The following ASTN2 variants were observed in gnomAD, a reference collection of about 807,000 sequenced individuals.
ASTN2 encodes astrotactin-2.
A neutral mutation model predicts 139.8 loss-of-function variants in ASTN2; 54 were observed. The ratio of observed to expected loss-of-function variants is 0.39; its 90% CI spans 0.31 to 0.48. The LOEUF (loss-of-function observed/expected upper bound fraction) is 0.48, where lower values mean the gene tolerates loss of function less well. Ranked by LOEUF, ASTN2 falls within the 20% of genes least tolerant of loss-of-function variation. The pLI, the probability that ASTN2 is intolerant of heterozygous loss-of-function variation, is 0.95. For missense variants in ASTN2, 1,565 were observed against 1,725.1 expected (o/e 0.91, Z 1.64); for synonymous variants, 756 against 719.5 (o/e 1.05, Z -0.81).
intron 13 of ASTN2, among the ~76,000 whole-genome samples, chr9:116,785,933 C>G (rs556051553): frequency 1.3e-5 from 2 of 152,296 alleles, no homozygotes; most frequent in Admixed American, 6.5e-5. Flanking sequence ...CCTTCTCACT[C>G]AGAGTAAAAT....
intron 13 of ASTN2, among the ~76,000 whole-genome samples, chr9:116,781,197 G>A (rs10759859): frequency 0.62 from 94,035 of 152,024 alleles, 30,624 homozygotes; most frequent in Non-Finnish European, 0.74. Context: ...AGAAAGGAGG[G>A]AGAAGTAGGT....
At chr9:116,610,166 A>G (rs985021835) in intron 19 of ASTN2, among the ~76,000 whole-genome samples, 14 of 152,212 alleles carry the variant, frequency 9.2e-5, no homozygotes, top group African/African-American at 2.9e-4. Context: ...AACAAATATC[A>G]CATTAAATAT....
At chr9:116,482,266 C>T (rs1054668915) in intron 20 of ASTN2, among the ~76,000 whole-genome samples, 10 of 152,194 alleles carry the variant, frequency 6.6e-5, no homozygotes, top group Admixed American at 6.5e-4. Context: ...GTGGAGCTTG[C>T]AGTGAGCCAA....
Position 117,203,262 on chromosome 9 carries a change from C to A in ASTN2, c.1015+11096G>T, listed in dbSNP as rs1192966551. Among the ~76,000 whole-genome samples the A allele has an allele frequency of 2.6e-5, 4 of 151,978 alleles. No homozygotes were observed. The South Asian group carries it at 6.2e-4, about 24-fold the overall frequency. On this transcript the variant is annotated intron_variant, in intron 3 of 22. Coordinates refer to ENST00000313400, the MANE Select transcript of ASTN2 (RefSeq NM_001365068.1). ...AACCTCTTCTCAAGATTCTTAGCTT[C>A]TTTGCATTGTGTTAGAACATGCTCC...
At chr9:117,140,001 G>C (rs917191999) in intron 4 of ASTN2, among the ~76,000 whole-genome samples, 1 of 152,168 alleles carries the variant, frequency 6.6e-6, no homozygotes, top group African/African-American at 2.4e-5. Context: ...CCACTTACTA[G>C]AATGTCCCCT....
At chr9:117,018,114 G>A (rs753844883) in intron 6 of ASTN2, among the ~76,000 whole-genome samples, 3 of 152,060 alleles carry the variant, frequency 2.0e-5, no homozygotes, top group South Asian at 2.1e-4. Flanking sequence ...GACATGTTGC[G>A]AGAGTGAGGA....
chr9:116,794,587 C>T (rs1830643820), intron 13 of ASTN2, among the ~76,000 whole-genome samples: 1 of 152,124 alleles, frequency 6.6e-6, no homozygotes, highest in African/African-American at 2.4e-5. Flanking sequence ...AATCCTGGCT[C>T]CATTATTTAC....
chr9:117,405,554 G>C (rs1368297491), intron 1 of ASTN2, among the ~76,000 whole-genome samples: 1 of 152,146 alleles, frequency 6.6e-6, no homozygotes, highest in East Asian at 1.9e-4. Context: ...AACTCCTCCT[G>C]TCCCCAGTTT....
chr9:117,402,195 T>C (rs1467515222), intron 1 of ASTN2, among the ~76,000 whole-genome samples: 1 of 152,206 alleles, frequency 6.6e-6, no homozygotes, highest in South Asian at 2.1e-4. Context: ...GCCTCCTCTG[T>C]AGCTGGGATT....
Position 116,424,871 on chromosome 9 carries a change from G to A in ASTN2, c.*980C>T, listed in dbSNP as rs1847263514. On this transcript the variant is annotated 3_prime_UTR_variant, in exon 23 of 23. Coordinates refer to ENST00000313400, the MANE Select transcript of ASTN2 (RefSeq NM_001365068.1). ...CCCAAAGTGCTAGGATTACAGGCATGAGCCACTGTGCCTGGCAAGCAAATC... is the reference window on the plus strand; with the variant it reads ...CCCAAAGTGCTAGGATTACAGGCATAAGCCACTGTGCCTGGCAAGCAAATC... Among the ~76,000 whole-genome samples, 1 of 152,138 alleles carries A rather than the reference G, an allele frequency of 6.6e-6. No homozygotes were observed. Among genetic ancestry groups the A allele is most frequent in the Admixed American group, 6.5e-5 (1 of 15,270 alleles).
chr9:116,740,657 C>T (rs964547189), intron 13 of ASTN2, among the ~76,000 whole-genome samples: 11 of 151,732 alleles, frequency 7.2e-5, no homozygotes, highest in Non-Finnish European at 5.9e-5. Context: ...GGACTACAGG[C>T]GCCCACCACC....
intron 16 of ASTN2, among the ~76,000 whole-genome samples, chr9:116,653,959 A>G (rs570912130): frequency 6.6e-4 from 100 of 152,366 alleles, no homozygotes; most frequent in African/African-American, 2.4e-3. Context: ...AAGGGTGTAA[A>G]GAAGGCATCC....
intron 7 of ASTN2, among the ~76,000 whole-genome samples, chr9:116,996,650 C>G (rs1046981369): frequency 6.6e-6 from 1 of 152,110 alleles, no homozygotes; most frequent in African/African-American, 2.4e-5. Context: ...ACAGCACCAT[C>G]ACTAACTCTA....
chr9:116,436,492 G>T (rs970192818), intron 22 of ASTN2, among the ~76,000 whole-genome samples: 1 of 152,120 alleles, frequency 6.6e-6, no homozygotes, highest in African/African-American at 2.4e-5. Flanking sequence ...ATGTGAATAC[G>T]ACATAAGGGA....
chr9:116,995,790 T>C (rs947757800), intron 7 of ASTN2, among the ~76,000 whole-genome samples: 3 of 152,186 alleles, frequency 2.0e-5, no homozygotes, highest in Admixed American at 2.0e-4. Context: ...ACTATTTCAT[T>C]ACATTAATTC....
At chr9:116,466,763 T>C (rs1312832069) in intron 20 of ASTN2, among the ~76,000 whole-genome samples, 1 of 151,982 alleles carries the variant, frequency 6.6e-6, no homozygotes, top group Non-Finnish European at 1.5e-5. Context: ...CAGGAGGAGG[T>C]CATGCCTGGT....
intron 10 of ASTN2, among the ~76,000 whole-genome samples, chr9:116,912,443 C>T (rs944323): frequency 0.53 from 80,157 of 152,076 alleles, 21,785 homozygotes; most frequent in Non-Finnish European, 0.59. Flanking sequence ...AAAGTGGGAG[C>T]TCACCCAGCC....
intron 19 of ASTN2, among the ~76,000 whole-genome samples, chr9:116,593,623 T>G (rs1854458412): frequency 6.6e-6 from 1 of 152,226 alleles, no homozygotes; most frequent in South Asian, 2.1e-4. Context: ...AAGTGTATTC[T>G]AATCACAACT....
chr9:116,670,086 T>C (rs892318221), intron 16 of ASTN2, among the ~76,000 whole-genome samples: 11 of 152,218 alleles, frequency 7.2e-5, no homozygotes, highest in Non-Finnish European at 1.5e-4. Context: ...ATTACAGGCA[T>C]GAGCCACCAT....
Sources: gnomAD v4.1 joint callset for allele counts (sites outside exome capture counted in the v4.1 genomes callset) on GRCh38, gnomAD v4.1.1 for gene constraint, MANE v1.5 for transcripts, NCBI Gene and HGNC (gene_info 2026-07-23, HGNC 2026-07-21) for gene names.